The following POLK variants were observed in gnomAD, a reference collection of about 807,000 sequenced individuals.
POLK encodes the protein DNA polymerase kappa.
Under a neutral mutation model 94.0 loss-of-function variants are expected in POLK, and 76 were observed. The ratio of observed to expected loss-of-function variants is 0.81; its 90% CI spans 0.67 to 0.98. POLK has a LOEUF of 0.98. Ranked by LOEUF, POLK falls within the 50% of genes least tolerant of loss-of-function variation. The pLI is 0.00. For missense variants in POLK, 954 were observed against 1,010.1 expected (o/e 0.94, Z 0.75); for synonymous variants, 349 against 325.4 (o/e 1.07, Z -0.78).
At chr5:75,526,329 G>A (rs945541627) in intron 1 of POLK, among the ~76,000 whole-genome samples, 1 of 151,876 alleles carries the variant, frequency 6.6e-6, no homozygotes, top group Admixed American at 6.6e-5. Context: ...GATTTAGGAA[G>A]CTCTTATTTT....
intron 1 of POLK, among the ~76,000 whole-genome samples, chr5:75,525,741 T>C (rs929935758): frequency 9.2e-5 from 14 of 152,168 alleles, no homozygotes; most frequent in Middle Eastern, 3.2e-3. Flanking sequence ...GCAACATCTT[T>C]AAAGTACTGA....
intron 6 of POLK, among the ~76,000 whole-genome samples, chr5:75,579,494 G>A (rs367963293): frequency 2.0e-5 from 3 of 151,404 alleles, no homozygotes; most frequent in African/African-American, 4.8e-5. Flanking sequence ...CCCAGCCTCC[G>A]GAGTAGCTGT....
At chr5:75,596,242 C>T (rs1349962286) in exon 13 of POLK, 2 of 1,591,080 alleles carry the variant, frequency 1.3e-6, no homozygotes, top group Non-Finnish European at 1.7e-6. Flanking sequence ...ATCTAGTTTT[C>T]CCAATGAAGA....
chr5:75,596,386 A>G (rs1773086660), exon 13 of POLK: 1 of 1,613,728 alleles, frequency 6.2e-7, no homozygotes, highest in African/African-American at 1.3e-5. Flanking sequence ...GTCTCATAAG[A>G]AGAGTTTCTT....
chr5:75,556,259 G>C (rs1770615020), intron 3 of POLK, among the ~76,000 whole-genome samples: 1 of 152,156 alleles, frequency 6.6e-6, no homozygotes, highest in Non-Finnish European at 1.5e-5. Flanking sequence ...TTTCCCTGAT[G>C]ACATATGATG....
chr5:75,593,472 A>G (rs1254032004), intron 11 of POLK, among the ~76,000 whole-genome samples: 1 of 152,170 alleles, frequency 6.6e-6, no homozygotes, highest in Non-Finnish European at 1.5e-5. Flanking sequence ...AATTGGTTAT[A>G]ATTCCATATT....
intron 1 of POLK, chr5:75,538,590 G>A (rs1490688956): frequency 1.3e-5 from 2 of 152,016 alleles, no homozygotes; most frequent in African/African-American, 4.8e-5. Context: ...TTTTTTGGCA[G>A]GGGTGGTGGG....
In POLK at chr5:75,541,834, A is replaced by G. The variant is rs34809341; in HGVS notation, c.-13-5176A>G. 6.9e-3 allele frequency among the ~76,000 whole-genome samples: 1,045 copies of G among 152,344 alleles called. 7 individuals carry two copies. Among genetic ancestry groups the G allele is most frequent in the Non-Finnish European group, 9.1e-3 (617 of 68,024 alleles). ...ACAAAAATTGTGGCCATATGGTTTC[A>G]GTGTATGTTTTCATGTATCTGTATG... On this transcript the variant is annotated intron_variant, in intron 1 of 14. Transcript: ENST00000241436.
chr5:75,535,726 T>A (rs963161786), intron 1 of POLK, among the ~76,000 whole-genome samples: 2 of 152,216 alleles, frequency 1.3e-5, no homozygotes, highest in Non-Finnish European at 2.9e-5. Flanking sequence ...ATTCTTTCCT[T>A]ACCTTGGTGG....
At chr5:75,584,892 A>G (rs1392787774) in exon 9 of POLK, 1 of 1,606,614 alleles carries the variant, frequency 6.2e-7, no homozygotes, top group South Asian at 1.1e-5. Context: ...TTTCCTTCAT[A>G]TCTCCTTGGG....
chr5:75,576,719 A>G (rs1771892712), intron 5 of POLK, 61 bp from the exon 6 acceptor site: 3 of 808,056 alleles, frequency 3.7e-6, no homozygotes, highest in Admixed American at 3.0e-5. Context: ...TATCAGCTAC[A>G]TATGACAGAA....
At chr5:75,520,341 A>G (rs1768513395) in intron 1 of POLK, among the ~76,000 whole-genome samples, 1 of 152,198 alleles carries the variant, frequency 6.6e-6, no homozygotes, top group African/African-American at 2.4e-5. Context: ...CAATTATAGT[A>G]TTAGAGCATC....
At chr5:75,554,564 G>T (rs1267485059) in intron 3 of POLK, among the ~76,000 whole-genome samples, 14 of 151,902 alleles carry the variant, frequency 9.2e-5, no homozygotes, top group Non-Finnish European at 2.9e-5. Context: ...ATAAACTGGT[G>T]TCGTGGGGGT....
intron 3 of POLK, among the ~76,000 whole-genome samples, chr5:75,556,885 G>C (rs1311086971): frequency 6.6e-6 from 1 of 152,142 alleles, no homozygotes; most frequent in East Asian, 1.9e-4. Context: ...AACATAGCGA[G>C]ACCCTGCTTC....
At chr5:75,567,496 C>T (rs935729512) in intron 3 of POLK, among the ~76,000 whole-genome samples, 1 of 152,102 alleles carries the variant, frequency 6.6e-6, no homozygotes, top group East Asian at 1.9e-4. Context: ...AAGAAGTTAG[C>T]CTTCTTCAAG....
At chr5:75,553,009 A>T (rs1265880521) in intron 3 of POLK, among the ~76,000 whole-genome samples, 1 of 152,196 alleles carries the variant, frequency 6.6e-6, no homozygotes, top group Non-Finnish European at 1.5e-5. Context: ...ATGTTAACTA[A>T]TTAAATTGGA....
At chr5:75,524,406 T>A (rs1295350781) in intron 1 of POLK, among the ~76,000 whole-genome samples, 1 of 152,128 alleles carries the variant, frequency 6.6e-6, no homozygotes, top group Non-Finnish European at 1.5e-5. Flanking sequence ...AATTGGCTGC[T>A]CTCCTCTCTT....
At chr5:75,596,413 G>C (rs1360980292) in exon 13 of POLK, 1 of 1,613,900 alleles carries the variant, frequency 6.2e-7, no homozygotes, top group Non-Finnish European at 8.5e-7. Flanking sequence ...AAAACGATCA[G>C]AAAGGAAATG....
At chr5:75,538,014 A>G (rs1769538094) in intron 1 of POLK, among the ~76,000 whole-genome samples, 1 of 151,488 alleles carries the variant, frequency 6.6e-6, no homozygotes, top group Non-Finnish European at 1.5e-5. Flanking sequence ...CTGCCACCAC[A>G]CCTGGCTAAT....
Sources: gnomAD v4.1 joint callset for allele counts (sites outside exome capture counted in the v4.1 genomes callset) on GRCh38, gnomAD v4.1.1 for gene constraint, MANE v1.5 for transcripts, NCBI Gene and HGNC (gene_info 2026-07-23, HGNC 2026-07-21) for gene names.